Variants in CATSPERH observed in about 807,000 individuals in gnomAD.
CATSPERH encodes cation channel sperm-associated auxiliary subunit eta.
chr11:65,088,762 T>G, the CATSPERH span: 2 of 1,535,798 alleles, frequency 1.3e-6, no homozygotes, highest in African/African-American at 2.7e-5. Context: ...TGTAGGCCCA[T>G]CCAGTGGGAG....
chr11:65,088,537 C>G, the CATSPERH span: 1 of 1,532,208 alleles, frequency 6.5e-7, no homozygotes, highest in Non-Finnish European at 8.7e-7. Flanking sequence ...GAGCACTGGG[C>G]GGGGGACAGA....
At chr11:65,088,953 A>AG in the CATSPERH span, 2 of 1,535,788 alleles carry the variant, frequency 1.3e-6, no homozygotes, top group Non-Finnish European at 1.7e-6. Context: ...AGGTGTAAGA[A>AG]GAAGAGCATC....
chr11:65,088,450 A>C, the CATSPERH span: 1 of 1,536,210 alleles, frequency 6.5e-7, no homozygotes, highest in Non-Finnish European at 8.7e-7. Context: ...CCGACTCCCC[A>C]GGCCTCAGTG....
At chr11:65,088,443 A>T in the CATSPERH span, 1 of 1,534,908 alleles carries the variant, frequency 6.5e-7, no homozygotes, top group Non-Finnish European at 8.7e-7. Flanking sequence ...CCCTGTTCCG[A>T]CTCCCCAGGC....
chr11:65,088,635 C>T, the CATSPERH span: 10 of 1,535,710 alleles, frequency 6.5e-6, no homozygotes, highest in Admixed American at 1.4e-4. Context: ...TGCACCCTCC[C>T]ACTCCTGCCA....
At chr11:65,088,948 T>C in the CATSPERH span, 1 of 1,535,732 alleles carries the variant, frequency 6.5e-7, no homozygotes, top group East Asian at 2.4e-5. Flanking sequence ...TGCCCAGGTG[T>C]AAGAAGAAGA....
At chr11:65,088,569 C>T in the CATSPERH span, 1 of 1,525,744 alleles carries the variant, frequency 6.6e-7, no homozygotes, top group Non-Finnish European at 8.8e-7. Context: ...GCCCCAGTAC[C>T]CTTCCCTGGC....
the CATSPERH span, chr11:65,089,065 G>C: frequency 6.6e-7 from 1 of 1,517,372 alleles, no homozygotes; most frequent in South Asian, 1.2e-5. Context: ...TCAGACTTGA[G>C]AGCTGGAGCA....
At chr11:65,088,539 G>A in the CATSPERH span, 6 of 1,532,622 alleles carry the variant, frequency 3.9e-6, no homozygotes, top group East Asian at 1.5e-4. Flanking sequence ...GCACTGGGCG[G>A]GGGACAGAGC....
At chr11:65,088,400 A>G in the CATSPERH span, 2 of 1,501,194 alleles carry the variant, frequency 1.3e-6, no homozygotes, top group South Asian at 2.4e-5. Context: ...TTATTAAAAC[A>G]CCCGAGGCAG....
At chr11:65,088,832 C>T in the CATSPERH span, 1 of 1,535,462 alleles carries the variant, frequency 6.5e-7, no homozygotes, top group Non-Finnish European at 8.7e-7. Context: ...CCACAGCCAG[C>T]CCTTGCGTCC....
chr11:65,088,681 A>G, the CATSPERH span: 1 of 1,536,260 alleles, frequency 6.5e-7, no homozygotes, highest in Non-Finnish European at 8.7e-7. Flanking sequence ...AAGCAGACGT[A>G]CTTGTTTTCT....
chr11:65,089,074 C>T, the CATSPERH span: 2 of 1,472,446 alleles, frequency 1.4e-6, no homozygotes, highest in Non-Finnish European at 1.8e-6. Context: ...AGAGCTGGAG[C>T]AAGCAGGCCC....
the CATSPERH span, chr11:65,088,471 C>T: frequency 1.2e-5 from 19 of 1,536,120 alleles, no homozygotes; most frequent in African/African-American, 6.8e-5. Context: ...GTGCTCCTCC[C>T]GGTACTCGAT....
chr11:65,088,784 C>T, the CATSPERH span: 30 of 1,535,056 alleles, frequency 2.0e-5, no homozygotes, highest in South Asian at 1.8e-4. Context: ...GTGGCCCCCT[C>T]GCACAACAGT....
chr11:65,088,523 C>T, the CATSPERH span: 50 of 1,535,680 alleles, frequency 3.3e-5, no homozygotes, highest in South Asian at 2.1e-4. Flanking sequence ...AACATGGCTC[C>T]GTTGAGCACT....
the CATSPERH span, chr11:65,088,584 C>T: frequency 6.6e-7 from 1 of 1,524,886 alleles, no homozygotes; most frequent in Non-Finnish European, 8.8e-7. Context: ...CCTGGCTACT[C>T]CTTGCCACAT....
the CATSPERH span, chr11:65,088,600 G>A: frequency 1.0e-4 from 155 of 1,530,032 alleles, no homozygotes; most frequent in Non-Finnish European, 1.3e-4. Context: ...CACATCTCAG[G>A]GTTCCAAAGC....
At chr11:65,088,766 G>C in the CATSPERH span, 1 of 1,535,732 alleles carries the variant, frequency 6.5e-7, no homozygotes, top group Admixed American at 2.0e-5. Context: ...GGCCCATCCA[G>C]TGGGAGAGTG....
Sources: allele counts gnomAD v4.1 joint callset, GRCh38; gene constraint gnomAD v4.1.1; transcripts MANE v1.5; gene names NCBI Gene and HGNC (gene_info 2026-07-23, HGNC 2026-07-21).